The following ARHGAP21 variants were observed in gnomAD, a reference collection of about 807,000 sequenced individuals.
The protein encoded by ARHGAP21 is rho GTPase-activating protein 21.
In ARHGAP21, 38 loss-of-function variants were observed where a neutral mutation model predicts 164.6. The ratio of observed to expected loss-of-function variants is 0.23; its 90% CI spans 0.18 to 0.30. ARHGAP21 has a LOEUF of 0.30. Among genes scored for constraint, ARHGAP21 ranks in the 10% least tolerant of loss-of-function variants. ARHGAP21 has a pLI of 1.00. For missense variants in ARHGAP21, 1,822 were observed against 2,370.7 expected (o/e 0.77, Z 4.81); for synonymous variants, 766 against 857.9 (o/e 0.89, Z 1.87).
intron 2 of ARHGAP21, among the ~76,000 whole-genome samples, chr10:24,712,018 G>T (rs1023706133): frequency 6.6e-6 from 1 of 151,992 alleles, no homozygotes; most frequent in Non-Finnish European, 1.5e-5. Flanking sequence ...GATTCAAGAC[G>T]ATTTTCATGC....
At chr10:24,610,515 A>T (rs1464293609) in intron 9 of ARHGAP21, among the ~76,000 whole-genome samples, 1 of 152,182 alleles carries the variant, frequency 6.6e-6, no homozygotes, top group African/African-American at 2.4e-5. Context: ...GTAAAAAAAA[A>T]TACAGGCCTA....
At chr10:24,636,328 T>TCACCTGGGACCAG (rs1170269815) in intron 4 of ARHGAP21, among the ~76,000 whole-genome samples, 1 of 152,138 alleles carries the variant, frequency 6.6e-6, no homozygotes, top group Non-Finnish European at 1.5e-5. Context: ...ACCAGCAGCA[T>TCACCTGGGACCAG]CAGTATCACC....
intron 2 of ARHGAP21, among the ~76,000 whole-genome samples, chr10:24,691,736 GAATA>G (rs1842778499): frequency 6.6e-6 from 1 of 152,044 alleles, no homozygotes; most frequent in Admixed American, 6.5e-5. Context: ...TTTTTACACA[GAATA>G]AATGTTTTAA....
At chr10:24,671,228 G>A (rs954030823) in intron 2 of ARHGAP21, among the ~76,000 whole-genome samples, 1 of 152,062 alleles carries the variant, frequency 6.6e-6, no homozygotes, top group African/African-American at 2.4e-5. Context: ...TGCCTACTCT[G>A]GGCCTGCTGT....
At chr10:24,591,604 G>A (rs756810217) in intron 23 of ARHGAP21, 38 bp downstream of exon 23, 2 of 1,608,022 alleles carry the variant, frequency 1.2e-6, no homozygotes, top group Non-Finnish European at 1.7e-6. Flanking sequence ...TGTCCCAAAT[G>A]AAACTACTGA....
chr10:24,699,687 A>G (rs1350148911), intron 2 of ARHGAP21, among the ~76,000 whole-genome samples: 2 of 152,126 alleles, frequency 1.3e-5, no homozygotes, highest in Admixed American at 6.5e-5. Flanking sequence ...GGTAAAGAGA[A>G]GGCATCAAGC....
At chr10:24,636,734 A>G (rs954596776) in intron 4 of ARHGAP21, among the ~76,000 whole-genome samples, 2 of 152,240 alleles carry the variant, frequency 1.3e-5, no homozygotes, top group African/African-American at 4.8e-5. Flanking sequence ...ATGAATGGCT[A>G]GATTTCAAAG....
chr10:24,584,917 T>G lies in ARHGAP21; in HGVS notation c.5372A>C (p.Glu1791Ala), dbSNP rs891790436. Residue 1791 changes from glutamate to alanine, a missense_variant, in exon 26 of 26, where the codon GAG becomes GCG. By Grantham distance (107) the Glu-to-Ala change is moderately radical. This residue lies in a region of ARHGAP21 where 117 missense variants were observed against 193.2 expected (regional missense o/e 0.61). Coordinates refer to ENST00000396432, the MANE Select transcript of ARHGAP21 (RefSeq NM_020824.4). ...FGVGNHKVNA[E>A]TAKRKSIRRR... ...CCGGATGCTTTTCCTTTTAGCAGTC[T>G]CGGCATTCACTTTGTGATTCCCTAC... 6.2e-7 allele frequency: 1 copy of G among 1,613,834 alleles called. No individual in the cohort carries two copies. Among genetic ancestry groups the G allele is most frequent in the Non-Finnish European group, 8.5e-7 (1 of 1,179,868 alleles).
At chr10:24,597,705 C>T in intron 15 of ARHGAP21, 122 bp from the exon 16 acceptor site, 20 of 1,414,384 alleles carry the variant, frequency 1.4e-5, no homozygotes, top group Non-Finnish European at 1.8e-5. Flanking sequence ...ATAAACAATT[C>T]ATAAGCTTTC....
chr10:24,585,761 T>C lies in ARHGAP21; in HGVS notation c.4528A>G (p.Lys1510Glu). ...CTGAGAGTTGGTGACTTGTTGTGTT[T>C]TGAGTTGTGTGGTGGTGAGGGTTCT... is the stretch of plus-strand genomic sequence containing the variant. ...SEEPSPPHNS[K>E]HNKSPTLSCR... is the part of the protein sequence containing the mutation. The change falls in exon 26 of 26, where the codon AAA becomes GAA. Residue 1510 changes from lysine to glutamate, a missense_variant. By Grantham distance (56) the Lys-to-Glu change is moderately conservative (BLOSUM62 1). This residue lies in a region of ARHGAP21 where 333 missense variants were observed against 383.9 expected (regional missense o/e 0.87). Transcript: ENST00000396432. The C allele has an allele frequency of 6.2e-7, 1 of 1,613,916 alleles. No individual in the cohort carries two copies. The highest frequency in any genetic ancestry group is 8.5e-7 in the Non-Finnish European group (1 of 1,179,892).
At chr10:24,665,689 C>T (rs1020246280) in intron 4 of ARHGAP21, among the ~76,000 whole-genome samples, 1 of 152,174 alleles carries the variant, frequency 6.6e-6, no homozygotes, top group South Asian at 2.1e-4. Flanking sequence ...AGTGATTTCA[C>T]GGGTTATACA....
intron 20 of ARHGAP21, 21 bp downstream of exon 20, chr10:24,595,096 A>AAAATATAAAATAATACCTACTAGTCTTTT: frequency 6.2e-7 from 1 of 1,607,340 alleles, no homozygotes; most frequent in Non-Finnish European, 8.5e-7. Flanking sequence ...TGTATCCCCC[A>AAAATATAAAATAATACCTACTAGTCTTTT]AAATATAAAA....
chr10:24,589,231 T>C (rs767554029), intron 25 of ARHGAP21, 40 bp downstream of exon 25: 2 of 1,556,900 alleles, frequency 1.3e-6, no homozygotes, highest in South Asian at 2.2e-5. Context: ...CGAAAAACAA[T>C]TCCCCCCTAA....
intron 2 of ARHGAP21, among the ~76,000 whole-genome samples, chr10:24,708,369 C>G (rs569457931): frequency 6.6e-6 from 1 of 152,290 alleles, no homozygotes; most frequent in South Asian, 2.1e-4. Flanking sequence ...CTAGACCAAC[C>G]AAAATTCTTG....
intron 7 of ARHGAP21, chr10:24,629,688 C>T (rs1316219568): frequency 3.1e-6 from 1 of 318,382 alleles, no homozygotes; most frequent in African/African-American, 2.3e-5. Flanking sequence ...GCACTCTAAA[C>T]TCTTCCTTTG....
intron 3 of ARHGAP21, among the ~76,000 whole-genome samples, chr10:24,668,528 A>G (rs1281304717): frequency 6.6e-6 from 1 of 152,194 alleles, no homozygotes; most frequent in Non-Finnish European, 1.5e-5. Context: ...CTGCCGGGAT[A>G]GGCTCCAGCC....
At chr10:24,664,542 G>A (rs576248504) in intron 4 of ARHGAP21, among the ~76,000 whole-genome samples, 3 of 147,918 alleles carry the variant, frequency 2.0e-5, no homozygotes, top group African/African-American at 7.6e-5. Context: ...TCAACAGAGT[G>A]AGATTCCGTC....
intron 2 of ARHGAP21, among the ~76,000 whole-genome samples, chr10:24,714,089 C>T (rs1183736634): frequency 1.3e-5 from 2 of 152,170 alleles, no homozygotes; most frequent in African/African-American, 2.4e-5. Context: ...AATAACCTTT[C>T]GTTTTAGTAA....
intron 7 of ARHGAP21, among the ~76,000 whole-genome samples, chr10:24,623,876 T>C (rs1005165996): frequency 4.6e-5 from 7 of 152,258 alleles, no homozygotes; most frequent in African/African-American, 1.4e-4. Flanking sequence ...GAATATCTAC[T>C]TGGGTAATGC....
Sources: gnomAD v4.1 joint callset for allele counts (sites outside exome capture counted in the v4.1 genomes callset) on GRCh38, gnomAD v4.1.1 for gene constraint, gnomAD v4.1.1 regional missense constraint, MANE v1.5 for transcripts, NCBI Gene and HGNC (gene_info 2026-07-23, HGNC 2026-07-21) for gene names.